Variants in SLCO1B3 observed in about 807,000 individuals in gnomAD.
The protein encoded by SLCO1B3 is liver-specific organic anion transporter 2.
In SLCO1B3, 72 loss-of-function variants were observed where a neutral mutation model predicts 71.8. That is an observed-to-expected ratio of 1.00 (90% CI 0.83 to 1.22). SLCO1B3 has a LOEUF of 1.22. Among genes scored for constraint, SLCO1B3 ranks in the 50% most tolerant of loss-of-function variants. The probability of loss-of-function intolerance (pLI) is 0.00; values close to 1 mark genes in which losing one functional copy is unlikely to be tolerated. For synonymous variants in SLCO1B3, 298 were observed against 278.4 expected, an observed-to-expected ratio of 1.07 and a Z score of -0.70; for missense variants, 911 against 819.7, an observed-to-expected ratio of 1.11 and a Z score of -1.36.
chr12:20,904,887 C>T (rs572263888), intron 15 of SLCO1B3, among the ~76,000 whole-genome samples: 1 of 149,104 alleles, frequency 6.7e-6, no homozygotes, highest in East Asian at 2.0e-4. Flanking sequence ...AATTCTTGTG[C>T]CTCAGCTTCC....
chr12:20,853,859 T>A (rs541845699), intron 3 of SLCO1B3, among the ~76,000 whole-genome samples: 1 of 150,898 alleles, frequency 6.6e-6, no homozygotes, highest in South Asian at 2.1e-4. Flanking sequence ...TTATAAACTT[T>A]CCCTTTAGTG....
chr12:20,816,594 A>T (rs577311705), intron 3 of SLCO1B3, among the ~76,000 whole-genome samples: 1 of 152,290 alleles, frequency 6.6e-6, no homozygotes, highest in East Asian at 1.9e-4. Context: ...TTACGCATTC[A>T]TCTGCTGATG....
chr12:20,862,086 A>G (rs779465633), intron 6 of SLCO1B3, among the ~76,000 whole-genome samples: 4 of 152,178 alleles, frequency 2.6e-5, no homozygotes, highest in Non-Finnish European at 4.4e-5. Flanking sequence ...ATATAGTGAT[A>G]ATTGTATATG....
chr12:20,867,808 C>T (rs1345669046), intron 8 of SLCO1B3, among the ~76,000 whole-genome samples: 1 of 152,102 alleles, frequency 6.6e-6, no homozygotes, highest in East Asian at 1.9e-4. Flanking sequence ...TGTAAAGCCA[C>T]ACTGTGTGTA....
At chr12:20,831,261 G>T (rs1864533857) in intron 3 of SLCO1B3, among the ~76,000 whole-genome samples, 1 of 150,986 alleles carries the variant, frequency 6.6e-6, no homozygotes, top group South Asian at 2.1e-4. Flanking sequence ...GGAGGCTGAG[G>T]CAGAAGAGTC....
intron 3 of SLCO1B3, among the ~76,000 whole-genome samples, chr12:20,831,226 A>T (rs1244679757): frequency 6.6e-6 from 1 of 151,950 alleles, no homozygotes; most frequent in Non-Finnish European, 1.5e-5. Context: ...GCGTGGTGGC[A>T]CGCGCCTGTA....
At chr12:20,901,280 A>T in intron 14 of SLCO1B3, 70 bp from the exon 15 acceptor site, 2 of 983,582 alleles carry the variant, frequency 2.0e-6, no homozygotes, top group Non-Finnish European at 3.1e-6. Flanking sequence ...AAATGTATCA[A>T]TATCGACTAT....
At chr12:20,877,480 AG>A (rs2121297882) in intron 9 of SLCO1B3, among the ~76,000 whole-genome samples, 2 of 149,082 alleles carry the variant, frequency 1.3e-5, no homozygotes, top group African/African-American at 5.2e-5. Flanking sequence ...GCTCTCAGGT[AG>A]CATAATGTCA....
intron 10 of SLCO1B3, among the ~76,000 whole-genome samples, chr12:20,878,902 T>C (rs1865634951): frequency 1.5e-5 from 1 of 65,762 alleles, no homozygotes; most frequent in African/African-American, 3.0e-5. Flanking sequence ...AATTTAATTC[T>C]AAAGCCTGGG....
At chr12:20,897,130 A>G (rs991930318) in intron 13 of SLCO1B3, among the ~76,000 whole-genome samples, 1 of 152,140 alleles carries the variant, frequency 6.6e-6, no homozygotes, top group Non-Finnish European at 1.5e-5. Flanking sequence ...ATCGTATCAG[A>G]TTCATTGTCC....
chr12:20,850,319 G>A (rs145859113), intron 3 of SLCO1B3, among the ~76,000 whole-genome samples: 1,578 of 148,308 alleles, frequency 0.011, 20 homozygotes, highest in African/African-American at 0.036. Context: ...TCGCTCTGTC[G>A]CCAAGGCTGG....
At chr12:20,890,831 ACTGCT>A (rs1430961020) in intron 13 of SLCO1B3, among the ~76,000 whole-genome samples, 1 of 152,142 alleles carries the variant, frequency 6.6e-6, no homozygotes, top group Non-Finnish European at 1.5e-5. Flanking sequence ...TATAACTACT[ACTGCT>A]CTGATTTGGT....
At chr12:20,901,546 T>C (rs77838964) in intron 15 of SLCO1B3, 79 bp downstream of exon 15, 1 of 702,308 alleles carries the variant, frequency 1.4e-6, no homozygotes. Flanking sequence ...ATTTTTAGTG[T>C]GATCGTAATA....
chr12:20,845,273 C>G, intron 3 of SLCO1B3: 1 of 396,016 alleles, frequency 2.5e-6, no homozygotes, highest in South Asian at 2.2e-5. Flanking sequence ...TTGGAAAGAG[C>G]AGCCCCAGTT....
chr12:20,895,731 C>T (rs955562555), intron 13 of SLCO1B3, among the ~76,000 whole-genome samples: 2 of 152,164 alleles, frequency 1.3e-5, no homozygotes, highest in East Asian at 1.9e-4. Context: ...ACCCTCTTCT[C>T]ACAGCCCCAC....
rs1000103472 is a variant in SLCO1B3, at chr12:20,813,099, T to G, written c.-180-425T>G. Reference sequence around the variant, plus strand: ...TTAGAGATACATAGGTATGGGTTTCTCCATTCATGAGTGTATTTATATACA... The same window carrying G: ...TTAGAGATACATAGGTATGGGTTTCGCCATTCATGAGTGTATTTATATACA... On this transcript the variant is annotated intron_variant, in intron 1 of 15. Transcript: ENST00000381545. 2.0e-5 allele frequency among the ~76,000 whole-genome samples: 3 copies of G among 152,152 alleles called. No homozygotes were observed. The South Asian group carries it at 6.2e-4, about 32-fold the overall frequency.
rs145334570 is a variant in SLCO1B3 at position 20,858,547 on chromosome 12, C to A, written c.335C>A (p.Ser112Tyr). 870 of 1,605,826 alleles carry A rather than the reference C, an allele frequency of 5.4e-4. 5 individuals carry two copies. The East Asian group carries it at 0.013, about 24-fold the overall frequency. The change falls in exon 5 of 16, where the codon TCT becomes TAT. Residue 112 changes from serine (S) to tyrosine (Y), a missense_variant. Transcript: ENST00000381545. ...LLMGTGSILT[S>Y]LPHFFMGYYR... ...ATGGGAACTGGAAGTATTTTGACATCTTTACCACATTTCTTCATGGGATAG... is the reference window on the plus strand; with the variant it reads ...ATGGGAACTGGAAGTATTTTGACATATTTACCACATTTCTTCATGGGATAG...
chr12:20,829,331 C>G (rs1042832057), intron 3 of SLCO1B3, among the ~76,000 whole-genome samples: 2 of 152,210 alleles, frequency 1.3e-5, no homozygotes, highest in Non-Finnish European at 2.9e-5. Context: ...ACACTGCTCT[C>G]TACCATCCTA....
At chr12:20,850,437 T>A in intron 3 of SLCO1B3, among the ~76,000 whole-genome samples, 1 of 151,528 alleles carries the variant, frequency 6.6e-6, no homozygotes, top group East Asian at 2.0e-4. Flanking sequence ...CCACCACCAC[T>A]CCCGGCTAAT....
Sources: allele counts gnomAD v4.1 joint callset (sites outside exome capture counted in the v4.1 genomes callset), GRCh38; gene constraint gnomAD v4.1.1; transcripts MANE v1.5; gene names NCBI Gene and HGNC (gene_info 2026-07-23, HGNC 2026-07-21).